The following KCNIP4 variants were observed in gnomAD, a reference collection of about 807,000 sequenced individuals.
KCNIP4 encodes the protein Kv channel-interacting protein 4.
A neutral mutation model predicts 34.0 loss-of-function variants in KCNIP4; 12 were observed. The observed-to-expected ratio is 0.35, with a 90% CI of 0.23 to 0.57. KCNIP4 has a LOEUF of 0.57. Ranked by LOEUF, KCNIP4 falls within the 20% of genes least tolerant of loss-of-function variation. KCNIP4 has a pLI of 0.83. For missense variants in KCNIP4, 238 were observed against 311.7 expected (o/e 0.76, Z 1.78); for synonymous variants, 124 against 102.2 (o/e 1.21, Z -1.29).
chr4:20,811,691 G>A (rs1715786378), intron 3 of KCNIP4, among the ~76,000 whole-genome samples: 1 of 152,150 alleles, frequency 6.6e-6, no homozygotes. Flanking sequence ...GTGACAGGAC[G>A]GTTTGAAGAG....
At chr4:21,007,910 C>G (rs1275934921) in intron 1 of KCNIP4, among the ~76,000 whole-genome samples, 1 of 152,218 alleles carries the variant, frequency 6.6e-6, no homozygotes, top group Non-Finnish European at 1.5e-5. Flanking sequence ...CTCCAAGACA[C>G]TGGGGGTTTG....
rs1045855702 is a variant in KCNIP4, at chr4:21,008,611, C to A, written c.62-125902G>T. ...CGATCTCGGCTCACTGCAAGCTCCG[C>A]CTCCCGGGTTCACGCCATTCTCCTG... On this transcript the variant is annotated intron_variant, in intron 1 of 8. Transcript: ENST00000382152. Among the ~76,000 whole-genome samples the A allele has an allele frequency of 1.3e-4, 19 of 151,980 alleles. No individual in the cohort carries two copies. In the East Asian group the frequency reaches 3.7e-3, roughly 30 times the overall value.
intron 1 of KCNIP4, among the ~76,000 whole-genome samples, chr4:20,975,077 T>C (rs1003200301): frequency 2.6e-5 from 4 of 152,144 alleles, no homozygotes; most frequent in Non-Finnish European, 5.9e-5. Flanking sequence ...AGAACTGAGG[T>C]TCAGGTGGTT....
At chr4:21,087,302 A>T (rs1746557579) in intron 1 of KCNIP4, among the ~76,000 whole-genome samples, 1 of 151,750 alleles carries the variant, frequency 6.6e-6, no homozygotes, top group Non-Finnish European at 1.5e-5. Context: ...TCAGCCTCCC[A>T]AGTAGCTGGA....
At chr4:21,021,883 T>C (rs573849363) in intron 1 of KCNIP4, among the ~76,000 whole-genome samples, 128 of 151,878 alleles carry the variant, frequency 8.4e-4, no homozygotes, top group Non-Finnish European at 1.5e-3. Context: ...TAGTATAGTA[T>C]AGTATAGTAT....
At chr4:21,823,892 G>T (rs763036202) in intron 1 of KCNIP4, among the ~76,000 whole-genome samples, 1 of 152,146 alleles carries the variant, frequency 6.6e-6, no homozygotes, top group African/African-American at 2.4e-5. Context: ...CAGCTTTGCA[G>T]CTCCTCCCAT....
chr4:21,541,863 C>T (rs11940371), intron 1 of KCNIP4, among the ~76,000 whole-genome samples: 54,539 of 151,698 alleles, frequency 0.36, 10,096 homozygotes, highest in South Asian at 0.52. Context: ...GGCTCATCTT[C>T]AACTCCTGGG....
intron 1 of KCNIP4, among the ~76,000 whole-genome samples, chr4:21,221,286 G>A (rs919119016): frequency 1.3e-5 from 2 of 152,158 alleles, no homozygotes; most frequent in African/African-American, 4.8e-5. Context: ...AGTTGTAGCA[G>A]GGAGGAATGA....
At chr4:20,803,149 C>T (rs1003976676) in intron 3 of KCNIP4, among the ~76,000 whole-genome samples, 1 of 147,662 alleles carries the variant, frequency 6.8e-6, no homozygotes, top group African/African-American at 2.5e-5. Flanking sequence ...CTATGGGATG[C>T]AGCCAAACCA....
In KCNIP4 at chr4:20,800,636, TA is replaced by T. The variant is rs552475340; in HGVS notation, c.289-41747del. Among the ~76,000 whole-genome samples the T allele has an allele frequency of 1.1e-3, 173 of 152,124 alleles. 1 individual carries two copies. Among genetic ancestry groups the T allele is most frequent in the Non-Finnish European group, 2.0e-3 (133 of 68,002 alleles). On this transcript the variant is annotated intron_variant, in intron 3 of 8. Coordinates refer to ENST00000382152, the MANE Select transcript of KCNIP4 (RefSeq NM_025221.6). ...TGAATTTAATCAATAAAATAAAGTT[TA>T]AAAATACAATAGAAAGCTTCAATAG...
chr4:20,730,353 G>A (rs1747733777), intron 8 of KCNIP4, among the ~76,000 whole-genome samples: 1 of 152,110 alleles, frequency 6.6e-6, no homozygotes, highest in Admixed American at 6.5e-5. Flanking sequence ...TATTGACCAG[G>A]CATTAAACCA....
intron 1 of KCNIP4, among the ~76,000 whole-genome samples, chr4:21,652,027 GC>G (rs1178070367): frequency 6.6e-6 from 1 of 152,092 alleles, no homozygotes; most frequent in Admixed American, 6.6e-5. Context: ...GTGTGTCTCA[GC>G]CCTAACACCG....
chr4:21,324,135 A>T (rs1489896649), intron 1 of KCNIP4, among the ~76,000 whole-genome samples: 1 of 151,846 alleles, frequency 6.6e-6, no homozygotes, highest in East Asian at 1.9e-4. Flanking sequence ...AGTTCCTTAT[A>T]TATTCTGGTT....
chr4:21,288,175 A>T (rs1763230867), intron 1 of KCNIP4, among the ~76,000 whole-genome samples: 1 of 152,156 alleles, frequency 6.6e-6, no homozygotes, highest in Admixed American at 6.5e-5. Flanking sequence ...ACATGCACAC[A>T]CACATCTGTA....
chr4:20,936,749 AT>A (rs1439426991), intron 1 of KCNIP4, among the ~76,000 whole-genome samples: 1 of 152,090 alleles, frequency 6.6e-6, no homozygotes, highest in African/African-American at 2.4e-5. Context: ...CTTCTTGTTT[AT>A]TTTTCAATCC....
At position 20,995,213 on chromosome 4, in the gene KCNIP4, T is replaced by A. The variant is rs529393182; in HGVS notation, c.62-112504A>T. 2.2e-4 allele frequency among the ~76,000 whole-genome samples: 33 copies of A among 152,280 alleles called. No individual in the cohort carries two copies. In the South Asian group the frequency reaches 6.2e-3, roughly 29 times the overall value. On this transcript the variant is annotated intron_variant, in intron 1 of 8. Coordinates refer to ENST00000382152, the MANE Select transcript of KCNIP4 (RefSeq NM_025221.6). Reference sequence around the variant, plus strand: ...AACAGGCATTCTGGCTCCATGCCAATTTTAGATTTTTTTTCTTTTCTAGTC... The same window carrying A: ...AACAGGCATTCTGGCTCCATGCCAAATTTAGATTTTTTTTCTTTTCTAGTC...
chr4:20,996,762 C>G (rs944340544), intron 1 of KCNIP4, among the ~76,000 whole-genome samples: 1 of 123,240 alleles, frequency 8.1e-6, no homozygotes, highest in African/African-American at 3.2e-5. Flanking sequence ...CCTCCCTGAA[C>G]TTCTTTTTTT....
intron 1 of KCNIP4, among the ~76,000 whole-genome samples, chr4:21,240,515 C>G (rs573187132): frequency 6.6e-6 from 1 of 152,152 alleles, no homozygotes; most frequent in East Asian, 1.9e-4. Context: ...CCAGTCTCAT[C>G]AGCAAGTTAC....
chr4:20,981,545 G>A (rs1736067143), intron 1 of KCNIP4, among the ~76,000 whole-genome samples: 1 of 152,158 alleles, frequency 6.6e-6, no homozygotes, highest in Admixed American at 6.5e-5. Context: ...GGATTCAGTA[G>A]TCTTTGGTTT....
Sources: gnomAD v4.1 joint callset for allele counts (sites outside exome capture counted in the v4.1 genomes callset) on GRCh38, gnomAD v4.1.1 for gene constraint, MANE v1.5 for transcripts, NCBI Gene and HGNC (gene_info 2026-07-23, HGNC 2026-07-21) for gene names.